ONECUT1: variants seen among roughly 807,000 people sequenced by gnomAD.
ONECUT1 encodes hepatocyte nuclear factor 6.
In ONECUT1, 12 loss-of-function variants were observed where a neutral mutation model predicts 25.6. The ratio of observed to expected loss-of-function variants is 0.47; its 90% confidence interval spans 0.30 to 0.76. ONECUT1 has a LOEUF of 0.76. Ranked by LOEUF, ONECUT1 falls within the 30% of genes least tolerant of loss-of-function variation. The probability of loss-of-function intolerance (pLI) is 0.07; values close to 1 mark genes in which losing one functional copy is unlikely to be tolerated. For synonymous variants in ONECUT1, 285 were observed against 270.2 expected (o/e 1.05, Z -0.54); for missense variants, 620 against 651.2 (o/e 0.95, Z 0.52).
chr15:52,777,726 ACAC>A (rs1483409363), intron 1 of ONECUT1, among the ~76,000 whole-genome samples: 3 of 119,950 alleles, frequency 2.5e-5, no homozygotes, highest in East Asian at 5.8e-4. Context: ...ACACACACAC[ACAC>A]ACACACACAA....
At chr15:52,774,904 A>G (rs1186244058) in intron 1 of ONECUT1, among the ~76,000 whole-genome samples, 2 of 152,228 alleles carry the variant, frequency 1.3e-5, no homozygotes, top group African/African-American at 4.8e-5. Context: ...TGCATTTTGA[A>G]CATCTTTCAC....
chr15:52,789,072 G>A lies in ONECUT1; in HGVS notation c.813C>T (p.Pro271=), dbSNP rs150554049. 12 of 1,602,064 alleles carry A rather than the reference G, an allele frequency of 7.5e-6. No individual in the cohort carries two copies. Among genetic ancestry groups the A allele is most frequent in the Non-Finnish European group, 1.0e-5 (12 of 1,179,974 alleles). Reference sequence around the variant, plus strand: ...CCTGCGCGCCGGTCACCGAAGGGTTGGGCTCCCGGGCTGTGCCCAGGAGTT... The same window carrying A: ...CCTGCGCGCCGGTCACCGAAGGGTTAGGCTCCCGGGCTGTGCCCAGGAGTT... ...HGQLLGTARE[P]NPSVTGAQVS... Residue 271 remains proline, a synonymous_variant, in exon 1 of 2, where the codon CCC becomes CCT. Coordinates refer to ENST00000305901, the MANE Select transcript of ONECUT1 (RefSeq NM_004498.4). The surrounding 1 kb of genome is among the most constrained non-coding windows in gnomAD (Gnocchi z 4.1).
chr15:52,782,789 A>T (rs1446132335), intron 1 of ONECUT1, among the ~76,000 whole-genome samples: 2 of 152,162 alleles, frequency 1.3e-5, no homozygotes, highest in Non-Finnish European at 2.9e-5. Flanking sequence ...TCAAACCATC[A>T]AGGCTCCTAG....
chr15:52,776,920 G>A (rs1442861253), intron 1 of ONECUT1, among the ~76,000 whole-genome samples: 1 of 152,172 alleles, frequency 6.6e-6, no homozygotes, highest in African/African-American at 2.4e-5. Context: ...ATTTCCTGGG[G>A]GTCTTGCTGA....
intron 1 of ONECUT1, chr15:52,786,905 C>A (rs2456508): frequency 0.025 from 3,757 of 152,452 alleles, 148 homozygotes; most frequent in African/African-American, 0.086. Flanking sequence ...TATCTTCTTC[C>A]CACATTCCCC....
chr15:52,760,128 T>G (rs1306094388), intron 1 of ONECUT1, among the ~76,000 whole-genome samples: 6 of 152,176 alleles, frequency 3.9e-5, no homozygotes, highest in Admixed American at 2.0e-4. Context: ...TTTTGTAACA[T>G]GTCCTGTAGG....
At chr15:52,757,978 A>G (rs2083684188) in intron 1 of ONECUT1, 131 bp from the exon 2 acceptor site, 1 of 939,084 alleles carries the variant, frequency 1.1e-6, no homozygotes, top group African/African-American at 1.7e-5. Context: ...TGCTTTAAGC[A>G]CCATTGGAGG....
chr15:52,765,348 C>T (rs990111801), intron 1 of ONECUT1, among the ~76,000 whole-genome samples: 12 of 152,160 alleles, frequency 7.9e-5, no homozygotes, highest in African/African-American at 1.9e-4. Context: ...GTAAGAGCAG[C>T]GGCAGCCAGC....
At chr15:52,787,923 G>C (rs2083887720) in intron 1 of ONECUT1, 1 of 152,154 alleles carries the variant, frequency 6.6e-6, no homozygotes, top group African/African-American at 2.4e-5. Context: ...TTGGGGTTTC[G>C]GGCAGGAGAC....
At chr15:52,786,363 T>C (rs2083874937) in intron 1 of ONECUT1, among the ~76,000 whole-genome samples, 1 of 152,220 alleles carries the variant, frequency 6.6e-6, no homozygotes, top group Non-Finnish European at 1.5e-5. Context: ...CCATCCCTTT[T>C]AAGTTAAGGA....
chr15:52,788,615 C>A lies in ONECUT1; in HGVS notation c.1105+165G>T. 1.4e-6 allele frequency: 1 copy of A among 735,146 alleles called. No homozygotes were observed. The allele number at this position is 735,146 out of a possible 1,614,324, so 45.5% of individuals were successfully genotyped here. On this transcript the variant is annotated intron_variant, in intron 1 of 1. Coordinates refer to ENST00000305901, the MANE Select transcript of ONECUT1 (RefSeq NM_004498.4). This position sits in a 1 kb window ranked among gnomAD's most constrained non-coding sequence, Gnocchi z 4.3. Reference sequence around the variant, plus strand: ...TGAGCCCTGGAGTAGGCAATTTGCTCCCACAGCCCTGTGCTGGCCCTTCCA... The same window carrying A: ...TGAGCCCTGGAGTAGGCAATTTGCTACCACAGCCCTGTGCTGGCCCTTCCA...
At position 52,789,365 on chromosome 15, in the gene ONECUT1, C is replaced by G. The variant is rs61735387; in HGVS notation, c.520G>C (p.Gly174Arg). Residue 174 changes from glycine (G) to arginine (R), a missense_variant, in exon 1 of 2, where the codon GGC (glycine) becomes CGC (arginine). By Grantham distance (125) the Gly-to-Arg change is moderately radical. Coordinates refer to ENST00000305901, the MANE Select transcript of ONECUT1 (RefSeq NM_004498.4). The surrounding 1 kb of genome is among the most constrained non-coding windows in gnomAD (Gnocchi z 4.1). ...AGGGGCGAGAGGCTCTGGCCCATGCCGGCCACGTCCTTGTGGTAGGGGGTA... is the reference window on the plus strand; with the variant it reads ...AGGGGCGAGAGGCTCTGGCCCATGCGGGCCACGTCCTTGTGGTAGGGGGTA... ...LYTPYHKDVA[G>R]MGQSLSPLSS... 6.2e-7 allele frequency: 1 copy of G among 1,607,914 alleles called. No homozygotes were observed. The highest frequency in any genetic ancestry group is 1.1e-5 in the South Asian group (1 of 90,144).
At chr15:52,783,819 T>G (rs1379410935) in intron 1 of ONECUT1, among the ~76,000 whole-genome samples, 3 of 152,228 alleles carry the variant, frequency 2.0e-5, no homozygotes, top group Admixed American at 1.3e-4. Flanking sequence ...GCATCTTTTT[T>G]GGGGAGGTTA....
At chr15:52,782,538 C>T (rs1213688320) in intron 1 of ONECUT1, among the ~76,000 whole-genome samples, 1 of 152,138 alleles carries the variant, frequency 6.6e-6, no homozygotes, top group Non-Finnish European at 1.5e-5. Flanking sequence ...AATAATGTGG[C>T]TTTCTTCTCC....
In ONECUT1 at chr15:52,788,073, C is replaced by T. The variant is rs2083888675; in HGVS notation, c.1105+707G>A. ...CAGGGAGTCGGCAGCGGAGTCGGTC[C>T]CAGGACATGGCTATTGCTTTGCAGC... On this transcript the variant is annotated intron_variant, in intron 1 of 1. Transcript: ENST00000305901. The surrounding 1 kb of genome is among the most constrained non-coding windows in gnomAD (Gnocchi z 4.3). 1 of 152,222 alleles carries T rather than the reference C, an allele frequency of 6.6e-6. No homozygotes were observed. Among genetic ancestry groups the T allele is most frequent in the Admixed American group, 6.5e-5 (1 of 15,286 alleles). The allele number at this position is 152,222 out of a possible 1,614,324, so 9.4% of individuals were successfully genotyped here. A position where few individuals can be genotyped will look rare whatever the true frequency, so the allele number is the denominator to read the frequency against.
intron 1 of ONECUT1, among the ~76,000 whole-genome samples, chr15:52,769,461 A>C (rs1043083751): frequency 6.6e-6 from 1 of 152,186 alleles, no homozygotes; most frequent in Admixed American, 6.5e-5. Context: ...GCAGTAGTTT[A>C]ATGGCACCAT....
At chr15:52,769,024 A>G (rs1400851898) in intron 1 of ONECUT1, among the ~76,000 whole-genome samples, 1 of 152,168 alleles carries the variant, frequency 6.6e-6, no homozygotes, top group Admixed American at 6.5e-5. Flanking sequence ...TCATTCCTAG[A>G]TATGAACCTC....
intron 1 of ONECUT1, among the ~76,000 whole-genome samples, chr15:52,758,686 G>A (rs2083688180): frequency 6.6e-6 from 1 of 152,070 alleles, no homozygotes; most frequent in Admixed American, 6.6e-5. Context: ...TTGCATGTCT[G>A]GTCCTGTATT....
chr15:52,776,221 G>A (rs1306200715), intron 1 of ONECUT1, among the ~76,000 whole-genome samples: 1 of 152,192 alleles, frequency 6.6e-6, no homozygotes, highest in Non-Finnish European at 1.5e-5. Context: ...AAGCCAGAGA[G>A]CCCACCTATC....
Sources: gnomAD v4.1 joint callset for allele counts (sites outside exome capture counted in the v4.1 genomes callset) on GRCh38, gnomAD v4.1.1 for gene constraint, Gnocchi (gnomAD v3.1) non-coding constraint, MANE v1.5 for transcripts, NCBI Gene and HGNC (gene_info 2026-07-23, HGNC 2026-07-21) for gene names.